RARB: variants seen among roughly 807,000 people sequenced by gnomAD.
RARB encodes retinoic acid receptor beta.
A neutral mutation model predicts 51.9 loss-of-function variants in RARB; 17 were observed. The ratio of observed to expected loss-of-function variants is 0.33; its 90% CI spans 0.22 to 0.49. RARB has a LOEUF of 0.49. RARB is among the 20% of genes least tolerant of loss of function. RARB has a pLI of 0.99. For missense variants in RARB, 369 were observed against 550.8 expected (o/e 0.67, Z 3.30); for synonymous variants, 215 against 195.4 (o/e 1.10, Z -0.84).
chr3:25,164,155 A>G (rs1407978961), intron 4 of RARB, among the ~76,000 whole-genome samples: 1 of 152,198 alleles, frequency 6.6e-6, no homozygotes, highest in Non-Finnish European at 1.5e-5. Context: ...GTAGCTGGAA[A>G]GAACTAGTTA....
chr3:25,035,459 G>T (rs1697972847), intron 2 of RARB, among the ~76,000 whole-genome samples: 1 of 131,922 alleles, frequency 7.6e-6, no homozygotes, highest in Admixed American at 8.4e-5. Context: ...TCTCAAGGTA[G>T]CTATTCCATC....
intron 5 of RARB, among the ~76,000 whole-genome samples, chr3:25,189,950 C>T (rs373519439): frequency 6.6e-6 from 1 of 151,992 alleles, no homozygotes; most frequent in African/African-American, 2.4e-5. Context: ...CGGATAAACT[C>T]CTCACCTTTC....
At chr3:24,856,268 A>G (rs1702634836) in intron 1 of RARB, among the ~76,000 whole-genome samples, 1 of 152,014 alleles carries the variant, frequency 6.6e-6, no homozygotes, top group Non-Finnish European at 1.5e-5. Context: ...ATGCTTGGGG[A>G]TTATAGTGAG....
intron 5 of RARB, among the ~76,000 whole-genome samples, chr3:25,410,274 T>C (rs1337877612): frequency 1.3e-5 from 2 of 152,190 alleles, no homozygotes; most frequent in African/African-American, 4.8e-5. Flanking sequence ...CAGTGCCTGG[T>C]GAATTAAATG....
intron 3 of RARB, among the ~76,000 whole-genome samples, chr3:25,532,984 A>G (rs962164726): frequency 1.6e-4 from 24 of 152,230 alleles, no homozygotes; most frequent in African/African-American, 5.5e-4. Flanking sequence ...AACTGAGGTC[A>G]TGCCAAACTT....
intron 4 of RARB, among the ~76,000 whole-genome samples, chr3:25,570,570 A>C (rs1027019778): frequency 6.6e-6 from 1 of 152,152 alleles, no homozygotes; most frequent in African/African-American, 2.4e-5. Context: ...GGAAATAAAG[A>C]GAGGCAGGAA....
intron 3 of RARB, among the ~76,000 whole-genome samples, chr3:25,558,315 A>G (rs959377948): frequency 6.6e-6 from 1 of 152,100 alleles, no homozygotes; most frequent in Non-Finnish European, 1.5e-5. Flanking sequence ...AACTTTCTCC[A>G]TTGCCAAAAC....
At chr3:25,140,277 A>G (rs1446970311) in intron 4 of RARB, among the ~76,000 whole-genome samples, 1 of 152,210 alleles carries the variant, frequency 6.6e-6, no homozygotes, top group African/African-American at 2.4e-5. Context: ...ATAATTCAAC[A>G]TTCCAGATGT....
At chr3:25,422,947 G>C (rs1270510787) in intron 5 of RARB, among the ~76,000 whole-genome samples, 1 of 152,122 alleles carries the variant, frequency 6.6e-6, no homozygotes, top group African/African-American at 2.4e-5. Flanking sequence ...ATCAGTTTTT[G>C]TAAATTAAGT....
At chr3:24,903,932 G>A (rs541757288) in intron 2 of RARB, among the ~76,000 whole-genome samples, 1 of 152,180 alleles carries the variant, frequency 6.6e-6, no homozygotes, top group South Asian at 2.1e-4. Context: ...AGTACTAAAA[G>A]TAAAAACCAT....
chr3:25,136,725 G>A (rs1189338653), intron 4 of RARB, among the ~76,000 whole-genome samples: 2 of 151,970 alleles, frequency 1.3e-5, no homozygotes, highest in Non-Finnish European at 2.9e-5. Context: ...AATAGGTGTA[G>A]TAGGACTGGA....
chr3:25,581,298 A>G (rs1378427374), intron 5 of RARB, among the ~76,000 whole-genome samples: 1 of 152,166 alleles, frequency 6.6e-6, no homozygotes, highest in African/African-American at 2.4e-5. Flanking sequence ...TCAAAAGCTG[A>G]TTTTACTTTC....
chr3:25,067,791 C>T (rs1698691576), intron 3 of RARB, among the ~76,000 whole-genome samples: 1 of 152,122 alleles, frequency 6.6e-6, no homozygotes, highest in African/African-American at 2.4e-5. Flanking sequence ...TCTTTTGCAA[C>T]ATTTACGTCA....
At chr3:25,583,206 A>G (rs1309853925) in intron 5 of RARB, among the ~76,000 whole-genome samples, 5 of 152,250 alleles carry the variant, frequency 3.3e-5, no homozygotes, top group Non-Finnish European at 7.3e-5. Flanking sequence ...AGCAAAGGCA[A>G]TTAATCACAA....
chr3:25,243,073 G>T (rs1333606129), intron 5 of RARB, among the ~76,000 whole-genome samples: 1 of 152,046 alleles, frequency 6.6e-6, no homozygotes, highest in Non-Finnish European at 1.5e-5. Context: ...TGTAGCAATT[G>T]TGAATGGGAA....
intron 1 of RARB, among the ~76,000 whole-genome samples, chr3:25,431,499 C>T (rs980457640): frequency 6.6e-5 from 10 of 152,246 alleles, no homozygotes; most frequent in Admixed American, 2.0e-4. Flanking sequence ...CTAAATATTA[C>T]GATTGACGAC....
At chr3:25,277,048 C>A (rs1042521135) in intron 5 of RARB, among the ~76,000 whole-genome samples, 3 of 152,146 alleles carry the variant, frequency 2.0e-5, no homozygotes, top group African/African-American at 7.2e-5. Context: ...TGAGGAGTAT[C>A]TCTCTTCAAG....
chr3:25,066,633 C>A (rs1698668697), intron 3 of RARB, among the ~76,000 whole-genome samples: 3 of 150,050 alleles, frequency 2.0e-5, no homozygotes, highest in African/African-American at 7.4e-5. Flanking sequence ...ACACACACAC[C>A]TTTCTCTCTC....
At chr3:25,138,269 C>T (rs774591341) in intron 4 of RARB, among the ~76,000 whole-genome samples, 13 of 151,480 alleles carry the variant, frequency 8.6e-5, no homozygotes, top group Non-Finnish European at 1.5e-4. Context: ...AAATTATGAC[C>T]AGTTAGCTGT....
Sources: gnomAD v4.1 joint callset for allele counts (sites outside exome capture counted in the v4.1 genomes callset) on GRCh38, gnomAD v4.1.1 for gene constraint, MANE v1.5 for transcripts, NCBI Gene and HGNC (gene_info 2026-07-23, HGNC 2026-07-21) for gene names.